The following CSTF3 variants were observed in gnomAD, a reference collection of about 807,000 sequenced individuals.
CSTF3 encodes cleavage stimulation factor subunit 3, also known as CF-1 77 kDa subunit.
CSTF3 carries 29 observed loss-of-function variants against 105.8 expected under a neutral mutation model. That is an observed-to-expected ratio of 0.27 (90% CI 0.20 to 0.37). The LOEUF (loss-of-function observed/expected upper bound fraction) is 0.37. CSTF3 is among the 10% of genes least tolerant of loss of function. The pLI is 1.00. For missense variants in CSTF3, 357 were observed against 879.3 expected, an observed-to-expected ratio of 0.41 and a Z score of 7.51; for synonymous variants, 252 against 281.9, an observed-to-expected ratio of 0.89 and a Z score of 1.06.
At chr11:33,133,940 T>C (rs541544357) in intron 3 of CSTF3, among the ~76,000 whole-genome samples, 27 of 152,332 alleles carry the variant, frequency 1.8e-4, no homozygotes, top group African/African-American at 5.1e-4. Flanking sequence ...AAGTATAACA[T>C]AGACTGCAGA....
chr11:33,159,505 G>A (rs1194165890), intron 1 of CSTF3, among the ~76,000 whole-genome samples: 1 of 143,270 alleles, frequency 7.0e-6, no homozygotes, highest in African/African-American at 2.7e-5. Flanking sequence ...GCTGAGGCAG[G>A]AGAATCGCTT....
intron 1 of CSTF3, among the ~76,000 whole-genome samples, chr11:33,144,062 T>C (rs1855748567): frequency 6.6e-6 from 1 of 152,196 alleles, no homozygotes; most frequent in Admixed American, 6.5e-5. Context: ...AATGGCAATA[T>C]ATATTGATAA....
intron 14 of CSTF3, 35 bp downstream of exon 14, chr11:33,096,800 T>C: frequency 6.4e-7 from 1 of 1,565,906 alleles, no homozygotes; most frequent in Non-Finnish European, 8.6e-7. Context: ...ATGAAGGAAG[T>C]TGTTTTATCT....
chr11:33,156,162 C>T (rs1034382174), intron 1 of CSTF3, among the ~76,000 whole-genome samples: 1 of 152,120 alleles, frequency 6.6e-6, no homozygotes, highest in African/African-American at 2.4e-5. Flanking sequence ...AAGATCAAAT[C>T]AATTTGCCTG....
At chr11:33,114,943 T>C (rs1455480851) in intron 3 of CSTF3, among the ~76,000 whole-genome samples, 5 of 152,182 alleles carry the variant, frequency 3.3e-5, no homozygotes, top group Non-Finnish European at 7.3e-5. Flanking sequence ...AGTCTCTATA[T>C]ACTTTGTGTA....
At chr11:33,145,958 C>T (rs991284859) in intron 1 of CSTF3, among the ~76,000 whole-genome samples, 13 of 152,016 alleles carry the variant, frequency 8.6e-5, no homozygotes, top group African/African-American at 2.9e-4. Flanking sequence ...TCAATGTGGC[C>T]AGGGGCGATG....
chr11:33,154,424 GTC>G (rs961830037), intron 1 of CSTF3, among the ~76,000 whole-genome samples: 9 of 149,240 alleles, frequency 6.0e-5, no homozygotes, highest in Admixed American at 5.4e-4. Flanking sequence ...GAAGTCTTAA[GTC>G]TCTCTCTGTG....
chr11:33,136,778 G>GT (rs1855657968), intron 3 of CSTF3, among the ~76,000 whole-genome samples: 1 of 151,826 alleles, frequency 6.6e-6, no homozygotes, highest in African/African-American at 2.4e-5. Flanking sequence ...ACGTTGCAGC[G>GT]TATCTTTAAT....
At chr11:33,138,788 T>TCA (rs1250988749) in intron 3 of CSTF3, among the ~76,000 whole-genome samples, 2 of 151,856 alleles carry the variant, frequency 1.3e-5, no homozygotes, top group Non-Finnish European at 3.0e-5. Context: ...ACAATGTATT[T>TCA]CAGGGAGTGG....
At position 33,122,144 on chromosome 11, in the gene CSTF3, T is replaced by C. The variant is rs889049768; in HGVS notation, c.226-13726A>G. ...AAATTACTACAATTGAGATACATTG[T>C]TGGATAGCAAAGTGTGCATGTTGAA... On this transcript the variant is annotated intron_variant, in intron 3 of 20. Transcript: ENST00000323959. 9.2e-5 allele frequency among the ~76,000 whole-genome samples: 14 copies of C among 152,214 alleles called. 1 individual carries two copies. The South Asian group carries it at 1.2e-3, about 13-fold the overall frequency.
At chr11:33,087,553 AGTG>A (rs1855118421) in intron 17 of CSTF3, among the ~76,000 whole-genome samples, 1 of 152,234 alleles carries the variant, frequency 6.6e-6, no homozygotes, top group Admixed American at 6.5e-5. Flanking sequence ...AGCTGGATTA[AGTG>A]ACTTCCTGTT....
intron 1 of CSTF3, chr11:33,156,603 TG>T (rs1474148046): frequency 4.6e-6 from 2 of 435,666 alleles, no homozygotes; most frequent in African/African-American, 4.1e-5. Flanking sequence ...CTTAGAATCA[TG>T]TAGCTTTTCC....
Position 33,114,835 on chromosome 11 carries a change from C to T in CSTF3, c.226-6417G>A, listed in dbSNP as rs561973926. Reference sequence around the variant, plus strand: ...CATTGCACTCCAGCCTGGACAAGAGCGAAACTCTGTCTCAAAAAAAAAAAT... The same window carrying T: ...CATTGCACTCCAGCCTGGACAAGAGTGAAACTCTGTCTCAAAAAAAAAAAT... On this transcript the variant is annotated intron_variant, in intron 3 of 20. Transcript: ENST00000323959. Among the ~76,000 whole-genome samples the T allele has an allele frequency of 2.4e-4, 36 of 151,594 alleles. 1 individual carries two copies. In the South Asian group the frequency reaches 5.2e-3, roughly 22 times the overall value.
chr11:33,091,228 G>A (rs1392755086), intron 16 of CSTF3, among the ~76,000 whole-genome samples: 1 of 152,160 alleles, frequency 6.6e-6, no homozygotes, highest in Non-Finnish European at 1.5e-5. Context: ...AATCTAATAT[G>A]ATTACGCTAT....
intron 8 of CSTF3, among the ~76,000 whole-genome samples, chr11:33,104,983 A>T (rs1855313740): frequency 6.6e-6 from 1 of 152,210 alleles, no homozygotes; most frequent in Non-Finnish European, 1.5e-5. Context: ...TACTGGGCTC[A>T]GGCAATCCTT....
intron 15 of CSTF3, among the ~76,000 whole-genome samples, chr11:33,095,814 T>C (rs7938022): frequency 0.73 from 108,278 of 148,302 alleles, 39,905 homozygotes; most frequent in African/African-American, 0.8. Flanking sequence ...AGCGAGACTC[T>C]GTCTCAAATA....
chr11:33,139,775 G>A lies in CSTF3; in HGVS notation c.225+1892C>T, dbSNP rs528350418. Reference sequence around the variant, plus strand: ...GTATGTTTGTGTGTGTGAAGTAACTGCAAATATTACCAACTAAATAAATCA... The same window carrying A: ...GTATGTTTGTGTGTGTGAAGTAACTACAAATATTACCAACTAAATAAATCA... On this transcript the variant is annotated intron_variant, in intron 3 of 20. Coordinates refer to ENST00000323959, the MANE Select transcript of CSTF3 (RefSeq NM_001326.3). Among the ~76,000 whole-genome samples the A allele has an allele frequency of 6.6e-5, 10 of 151,970 alleles. No homozygotes were observed. The South Asian group carries it at 2.1e-3, about 31-fold the overall frequency.
In CSTF3 at chr11:33,099,121, A is replaced by G; in HGVS notation, c.966T>C (p.Asp322=). 6.3e-7 allele frequency: 1 copy of G among 1,579,058 alleles called. No homozygotes were observed. Among genetic ancestry groups the G allele is most frequent in the Non-Finnish European group, 8.5e-7 (1 of 1,172,748 alleles). Residue 322 remains aspartate, a synonymous_variant, in exon 12 of 21, where the codon GAT becomes GAC. Coordinates refer to ENST00000323959, the MANE Select transcript of CSTF3 (RefSeq NM_001326.3). This position sits in a 1 kb window ranked among gnomAD's most constrained non-coding sequence, Gnocchi z 4.1. ...CTCTTTCATATATATTAGCAGCTTC[A>G]TCACTAAATAATTTGGCATTATTCA... ...GDMNNAKLFS[D]EAANIYERAI... is the part of the protein sequence containing the mutation.
chr11:33,127,363 T>G (rs550198275), intron 3 of CSTF3, among the ~76,000 whole-genome samples: 3 of 152,284 alleles, frequency 2.0e-5, no homozygotes, highest in African/African-American at 7.2e-5. Context: ...ATTCATCAAT[T>G]TAAAAAATTG....
Sources: allele counts gnomAD v4.1 joint callset (sites outside exome capture counted in the v4.1 genomes callset), GRCh38; gene constraint gnomAD v4.1.1; non-coding constraint Gnocchi (gnomAD v3.1); transcripts MANE v1.5; gene names NCBI Gene and HGNC (gene_info 2026-07-23, HGNC 2026-07-21).